The following PRPS1 variants were observed in gnomAD, a reference collection of about 807,000 sequenced individuals.
The protein encoded by PRPS1 is phosphoribosyl pyrophosphate synthetase 1.
Under a neutral mutation model 16.9 loss-of-function variants are expected in PRPS1, and 1 was observed. The observed-to-expected ratio is 0.06, with a 90% CI of 0.02 to 0.28. The LOEUF (loss-of-function observed/expected upper bound fraction) is 0.28. Ranked by LOEUF, PRPS1 falls within the 10% of genes least tolerant of loss-of-function variation. The pLI is 1.00. For missense variants in PRPS1, 47 were observed against 254.0 expected (o/e 0.19, Z 5.54); for synonymous variants, 70 against 90.2 (o/e 0.78, Z 1.27).
intron 1 of PRPS1, among the ~76,000 whole-genome samples, chrX:107,635,667 G>A (rs777299439): frequency 7.2e-4 from 79 of 110,175 alleles, no homozygotes; most frequent in Non-Finnish European, 1.0e-3. Flanking sequence ...GGGCTCAAGC[G>A]GTCCTCCTGC....
intron 1 of PRPS1, among the ~76,000 whole-genome samples, chrX:107,636,056 CAAA>C (rs965370775): frequency 6.9e-5 from 3 of 43,301 alleles, no homozygotes; most frequent in Non-Finnish European, 8.2e-5. Context: ...GAGACTGTCT[CAAA>C]AAAAAAAAAA....
intron 1 of PRPS1, among the ~76,000 whole-genome samples, chrX:107,632,881 A>G (rs1375474902): frequency 1.8e-5 from 2 of 112,040 alleles, no homozygotes; most frequent in Admixed American, 9.5e-5. Context: ...TAGTACTACT[A>G]TAGGGAAAGA....
intron 6 of PRPS1, among the ~76,000 whole-genome samples, 193 bp from the exon 7 acceptor site, chrX:107,649,747 C>T (rs983739988): frequency 4.5e-5 from 5 of 111,692 alleles, no homozygotes; most frequent in African/African-American, 1.3e-4. Flanking sequence ...TGTGAGCCAC[C>T]GTGCCCAGCC....
intron 1 of PRPS1, among the ~76,000 whole-genome samples, chrX:107,634,213 A>G (rs1395540889): frequency 9.2e-6 from 1 of 108,870 alleles, no homozygotes; most frequent in Non-Finnish European, 1.9e-5. Flanking sequence ...TTATTTATGT[A>G]TTTATTTATT....
intron 1 of PRPS1, 91 bp downstream of exon 1, chrX:107,628,841 CTG>C: frequency 8.7e-7 from 1 of 1,155,567 alleles, no homozygotes; most frequent in Non-Finnish European, 1.2e-6. Context: ...CTCAAACAGA[CTG>C]GGGGTTGGGG....
intron 1 of PRPS1, among the ~76,000 whole-genome samples, chrX:107,630,940 AT>A (rs1341235504): frequency 8.9e-6 from 1 of 111,994 alleles, no homozygotes; most frequent in Non-Finnish European, 1.9e-5. Context: ...CCAAAACATA[AT>A]AAGTACAACA....
chrX:107,645,953 G>A (rs898364033), intron 5 of PRPS1, among the ~76,000 whole-genome samples: 2 of 110,127 alleles, frequency 1.8e-5, no homozygotes, highest in South Asian at 3.8e-4. Context: ...GCCAGTCACC[G>A]TTCTCTCACC....
chrX:107,647,530 G>A, intron 5 of PRPS1, 76 bp from the exon 6 acceptor site: 2 of 1,050,275 alleles, frequency 1.9e-6, no homozygotes, highest in East Asian at 3.0e-5. Flanking sequence ...GCCTAAGCAG[G>A]CTAATATACT....
intron 1 of PRPS1, among the ~76,000 whole-genome samples, chrX:107,638,394 C>A (rs1173216299): frequency 9.0e-6 from 1 of 111,090 alleles, no homozygotes; most frequent in Non-Finnish European, 1.9e-5. Flanking sequence ...CAGGTGTGAG[C>A]CACCACACCC....
At chrX:107,649,113 C>G (rs1352311122) in intron 6 of PRPS1, among the ~76,000 whole-genome samples, 1 of 109,736 alleles carries the variant, frequency 9.1e-6, no homozygotes, top group East Asian at 2.9e-4. Flanking sequence ...TAGACAGGGT[C>G]TCACTCTGTT....
intron 3 of PRPS1, 42 bp from the exon 4 acceptor site, chrX:107,642,324 A>T: frequency 8.3e-7 from 1 of 1,209,438 alleles, no homozygotes. Context: ...TAAATGGAAG[A>T]GAAGGAAAGT....
chrX:107,632,391 A>G (rs758252130), intron 1 of PRPS1, among the ~76,000 whole-genome samples: 10 of 112,506 alleles, frequency 8.9e-5, no homozygotes, highest in African/African-American at 2.9e-4. Context: ...TGCACATGCC[A>G]ATATCTCCAT....
intron 1 of PRPS1, among the ~76,000 whole-genome samples, chrX:107,635,213 C>T (rs1244883702): frequency 1.8e-5 from 2 of 112,087 alleles, no homozygotes; most frequent in Non-Finnish European, 3.8e-5. Flanking sequence ...TGTCAAACTA[C>T]ATTTGTTCAT....
chrX:107,629,301 C>G (rs1187844262), intron 1 of PRPS1, among the ~76,000 whole-genome samples: 1 of 111,837 alleles, frequency 8.9e-6, no homozygotes, highest in Non-Finnish European at 1.9e-5. Context: ...ATTACGACTT[C>G]CCTTAGATCA....
At chrX:107,639,784 G>A (rs946266621) in intron 2 of PRPS1, among the ~76,000 whole-genome samples, 13 of 111,293 alleles carry the variant, frequency 1.2e-4, no homozygotes, top group African/African-American at 3.3e-4. Flanking sequence ...TAAAATTACG[G>A]TAGATCCTCT....
At chrX:107,644,565 G>A (rs779066670) in intron 4 of PRPS1, among the ~76,000 whole-genome samples, 6 of 111,890 alleles carry the variant, frequency 5.4e-5, no homozygotes, top group Middle Eastern at 4.6e-3. Flanking sequence ...GTGTCTTAGC[G>A]TTATACTGCT....
intron 1 of PRPS1, among the ~76,000 whole-genome samples, chrX:107,633,448 C>T (rs1925357226): frequency 9.6e-6 from 1 of 103,721 alleles, no homozygotes; most frequent in Non-Finnish European, 2.0e-5. Flanking sequence ...AAAAGTTTGG[C>T]TTTGAGAAAT....
intron 1 of PRPS1, among the ~76,000 whole-genome samples, chrX:107,632,002 T>C (rs1232065454): frequency 8.9e-6 from 1 of 112,584 alleles, no homozygotes; most frequent in Non-Finnish European, 1.9e-5. Flanking sequence ...ATATTTAATG[T>C]ATAGTGAATG....
In PRPS1 at chrX:107,632,832, G is replaced by A. The variant is rs984347327; in HGVS notation, c.122+4082G>A. 2.7e-5 allele frequency among the ~76,000 whole-genome samples: 3 copies of A among 111,964 alleles called. No individual in the cohort carries two copies. The South Asian group carries it at 1.1e-3, about 41-fold the overall frequency. ...GCTGTATAATCAGAGTGCAATTCAC[G>A]GACTTTTTAAGACTTTGTCAAACAA... On this transcript the variant is annotated intron_variant, in intron 1 of 6. Coordinates refer to ENST00000372435, the MANE Select transcript of PRPS1 (RefSeq NM_002764.4).
Sources: allele counts gnomAD v4.1 joint callset (sites outside exome capture counted in the v4.1 genomes callset), GRCh38; gene constraint gnomAD v4.1.1; transcripts MANE v1.5; gene names NCBI Gene and HGNC (gene_info 2026-07-23, HGNC 2026-07-21).